PDE3B: variants seen among roughly 807,000 people sequenced by gnomAD.
PDE3B encodes cGMP-inhibited 3',5'-cyclic phosphodiesterase 3B.
A neutral mutation model predicts 116.8 loss-of-function variants in PDE3B; 66 were observed. The ratio of observed to expected loss-of-function variants is 0.56; its 90% CI spans 0.46 to 0.69. The LOEUF (loss-of-function observed/expected upper bound fraction) is 0.69, where lower values mean the gene tolerates loss of function less well. Ranked by LOEUF, PDE3B falls within the 30% of genes least tolerant of loss-of-function variation. The probability of loss-of-function intolerance (pLI) is 0.00; values close to 1 mark genes in which losing one functional copy is unlikely to be tolerated. For synonymous variants in PDE3B, 595 were observed against 533.6 expected (o/e 1.12, Z -1.59); for missense variants, 1,384 against 1,368.1 (o/e 1.01, Z -0.18).
downstream of PDE3B, among the ~76,000 whole-genome samples, chr11:14,873,479 A>G (rs371622002): frequency 9.8e-4 from 150 of 152,314 alleles, no homozygotes; most frequent in African/African-American, 3.4e-3. Context: ...TAGAGTTGGT[A>G]TGGGGGTAAG....
chr11:14,898,969 C>A, the PDE3B span, among the ~76,000 whole-genome samples: 2 of 152,146 alleles, frequency 1.3e-5, no homozygotes, highest in African/African-American at 4.8e-5. Flanking sequence ...CTTGCAGCAG[C>A]CCCTGTCCAG....
rs1036217008 is a variant in PDE3B at position 14,654,594 on chromosome 11, C to T, written c.978+9541C>T. Among the ~76,000 whole-genome samples the T allele has an allele frequency of 2.6e-5, 4 of 151,994 alleles. No individual in the cohort carries two copies. In the South Asian group the frequency reaches 8.3e-4, roughly 31 times the overall value. On this transcript the variant is annotated intron_variant, in intron 1 of 15. Transcript: ENST00000282096. ...ATACTAATGATAAATATAGGTAAAA[C>T]TAAACAAACACTGTTATTATAAGAC...
At chr11:14,712,455 C>T (rs1017077557) in intron 1 of PDE3B, among the ~76,000 whole-genome samples, 3 of 137,126 alleles carry the variant, frequency 2.2e-5, no homozygotes, top group African/African-American at 2.7e-5. Flanking sequence ...TTTATTTGGA[C>T]GTACAAGCTT....
chr11:14,740,306 G>T (rs1241677619), intron 1 of PDE3B, among the ~76,000 whole-genome samples: 1 of 151,998 alleles, frequency 6.6e-6, no homozygotes, highest in Non-Finnish European at 1.5e-5. Context: ...TCAAGGATTT[G>T]ACTTCTTCCT....
At chr11:14,856,950 G>C (rs1847863121) in intron 12 of PDE3B, among the ~76,000 whole-genome samples, 1 of 151,978 alleles carries the variant, frequency 6.6e-6, no homozygotes, top group Non-Finnish European at 1.5e-5. Context: ...TTTAAAAGGG[G>C]ACATTTGTTC....
chr11:14,824,653 A>C (rs1275289848), intron 7 of PDE3B, among the ~76,000 whole-genome samples: 1 of 152,208 alleles, frequency 6.6e-6, no homozygotes, highest in East Asian at 1.9e-4. Flanking sequence ...AAGAGGCCAA[A>C]TCTACACATC....
intron 7 of PDE3B, 139 bp downstream of exon 7, chr11:14,819,348 A>C (rs1414987499): frequency 3.6e-6 from 2 of 550,556 alleles, no homozygotes; most frequent in Non-Finnish European, 6.7e-6. Context: ...CACTTCACAG[A>C]GGACTTATTT....
At chr11:14,739,088 C>A (rs1297738393) in intron 1 of PDE3B, among the ~76,000 whole-genome samples, 3 of 152,118 alleles carry the variant, frequency 2.0e-5, no homozygotes, top group African/African-American at 7.2e-5. Context: ...TATGCAGGCC[C>A]TTTTTTGGGT....
chr11:14,768,656 G>A lies in PDE3B; in HGVS notation c.979-3281G>A, dbSNP rs528265719. 3.5e-4 allele frequency among the ~76,000 whole-genome samples: 53 copies of A among 151,422 alleles called. No homozygotes were observed. In the East Asian group the frequency reaches 0.01, roughly 29 times the overall value. On this transcript the variant is annotated intron_variant, in intron 1 of 15. Coordinates refer to ENST00000282096, the MANE Select transcript of PDE3B (RefSeq NM_000922.4). Reference sequence around the variant, plus strand: ...ATCTAGTTTTTTGCTACCCTAAGCTGCACAGCTATGTGCATTCTTCCTGTC... The same window carrying A: ...ATCTAGTTTTTTGCTACCCTAAGCTACACAGCTATGTGCATTCTTCCTGTC...
chr11:14,848,827 A>T (rs1847672730), intron 12 of PDE3B, among the ~76,000 whole-genome samples: 1 of 152,232 alleles, frequency 6.6e-6, no homozygotes, highest in Non-Finnish European at 1.5e-5. Flanking sequence ...CCACTGCTCA[A>T]TGAAATAAAA....
chr11:14,648,475 T>C (rs1409816465), intron 1 of PDE3B, among the ~76,000 whole-genome samples: 1 of 152,164 alleles, frequency 6.6e-6, no homozygotes, highest in Non-Finnish European at 1.5e-5. Context: ...AAGAATACTG[T>C]AGTATTTGTG....
intron 4 of PDE3B, among the ~76,000 whole-genome samples, chr11:14,800,462 C>T (rs541526700): frequency 7.2e-5 from 11 of 152,064 alleles, no homozygotes; most frequent in African/African-American, 2.4e-4. Flanking sequence ...GAGACTCCAT[C>T]TCAAAAAAGA....
At chr11:14,766,868 A>T (rs1857512266) in intron 1 of PDE3B, among the ~76,000 whole-genome samples, 2 of 151,766 alleles carry the variant, frequency 1.3e-5, no homozygotes, top group African/African-American at 2.4e-5. Flanking sequence ...TGAATTTTTC[A>T]GAGGTAAACA....
chr11:14,831,872 T>C, intron 9 of PDE3B, 95 bp downstream of exon 9: 1 of 740,508 alleles, frequency 1.4e-6, no homozygotes, highest in Non-Finnish European at 2.2e-6. Flanking sequence ...TAAGCACTAG[T>C]TCAACAATGA....
At chr11:14,766,759 A>AT (rs1044689250) in intron 1 of PDE3B, among the ~76,000 whole-genome samples, 2 of 151,486 alleles carry the variant, frequency 1.3e-5, no homozygotes, top group Non-Finnish European at 3.0e-5. Context: ...CAGACAACTG[A>AT]TTTTTTCTCT....
Position 14,757,128 on chromosome 11 carries a change from G to A in PDE3B, c.979-14809G>A, listed in dbSNP as rs373594750. Among the ~76,000 whole-genome samples the A allele has an allele frequency of 5.3e-5, 8 of 152,070 alleles. No individual in the cohort carries two copies. The East Asian group carries it at 7.7e-4, about 15-fold the overall frequency. ...TCATCCATGTCCCTACAAAGGACAC[G>A]AACTCATCATTTTTTATGGCTGCAT... On this transcript the variant is annotated intron_variant, in intron 1 of 15. Transcript: ENST00000282096.
At position 14,666,597 on chromosome 11, in the gene PDE3B, C is replaced by A. The variant is rs1311597596; in HGVS notation, c.978+21544C>A. On this transcript the variant is annotated intron_variant, in intron 1 of 15. Transcript: ENST00000282096. ...CAAACAAATTTACAAGAAAAAAACA[C>A]ACAACCCCATCAACAAGTGGGTGAA... is the stretch of plus-strand genomic sequence containing the variant. Among the ~76,000 whole-genome samples, 14 of 151,022 alleles carry A rather than the reference C, an allele frequency of 9.3e-5. No individual in the cohort carries two copies. In the East Asian group the frequency reaches 1.2e-3, roughly 13 times the overall value.
chr11:14,679,594 G>A (rs924007785), intron 1 of PDE3B, among the ~76,000 whole-genome samples: 16 of 151,762 alleles, frequency 1.1e-4, no homozygotes, highest in Non-Finnish European at 2.1e-4. Context: ...ACCCTTGGTG[G>A]GCAGCGCCTA....
chr11:14,887,674 AACCAGCCCT>A, the PDE3B span: 5 of 983,356 alleles, frequency 5.1e-6, no homozygotes, highest in Non-Finnish European at 6.0e-6. Context: ...CCCTCACCCA[AACCAGCCCT>A]ACTCATAATT....
Sources: allele counts gnomAD v4.1 joint callset (sites outside exome capture counted in the v4.1 genomes callset), GRCh38; gene constraint gnomAD v4.1.1; transcripts MANE v1.5; gene names NCBI Gene and HGNC (gene_info 2026-07-23, HGNC 2026-07-21).